The following MIS18BP1 variants were observed in gnomAD, a reference collection of about 807,000 sequenced individuals.
MIS18BP1 encodes mis18-binding protein 1.
MIS18BP1 carries 72 observed loss-of-function variants against 116.1 expected under a neutral mutation model. That is an observed-to-expected ratio of 0.62 (90% CI 0.51 to 0.75). The LOEUF (loss-of-function observed/expected upper bound fraction) is 0.75, where lower values mean the gene tolerates loss of function less well. MIS18BP1 is among the 30% of genes least tolerant of loss of function. The pLI is 0.00. For synonymous variants in MIS18BP1, 386 were observed against 427.0 expected, an observed-to-expected ratio of 0.90 and a Z score of 1.18; for missense variants, 1,363 against 1,303.2, an observed-to-expected ratio of 1.05 and a Z score of -0.71.
intron 1 of MIS18BP1, 100 bp from the exon 2 acceptor site, chr14:45,247,477 C>G: frequency 2.1e-6 from 1 of 471,948 alleles, no homozygotes; most frequent in East Asian, 3.4e-5. Context: ...AAATGTTTAA[C>G]TGGTTCATAA....
intron 6 of MIS18BP1, among the ~76,000 whole-genome samples, 172 bp downstream of exon 6, chr14:45,235,639 TAAG>T (rs1368615923): frequency 6.8e-6 from 1 of 146,828 alleles, no homozygotes; most frequent in Non-Finnish European, 1.5e-5. Flanking sequence ...AAATTGTCAA[TAAG>T]AGTGATAAAA....
chr14:45,210,620 C>G (rs549436775), intron 13 of MIS18BP1, 92 bp from the exon 14 acceptor site: 38 of 1,443,470 alleles, frequency 2.6e-5, no homozygotes, highest in South Asian at 1.4e-4. Flanking sequence ...TAAGTTGGTT[C>G]TTCTTGTAAC....
At chr14:45,204,343 A>G in intron 16 of MIS18BP1, 56 bp downstream of exon 16, 2 of 1,557,422 alleles carry the variant, frequency 1.3e-6, no homozygotes, top group East Asian at 4.5e-5. Flanking sequence ...CCATTTAAAT[A>G]AAGAACCTAC....
chr14:45,224,062 G>C lies in MIS18BP1; in HGVS notation c.2525C>G (p.Thr842Ser). 1.9e-6 allele frequency: 3 copies of C among 1,613,774 alleles called. No individual in the cohort carries two copies. The highest frequency in any genetic ancestry group is 1.1e-5 in the South Asian group (1 of 91,002). The change falls in exon 11 of 17, where the codon ACT (threonine) becomes AGT (serine). Residue 842 changes from threonine to serine, a missense_variant. Physicochemically the swap from Thr to Ser is moderately conservative, Grantham distance 58. Coordinates refer to ENST00000310806, the MANE Select transcript of MIS18BP1 (RefSeq NM_018353.5). ...TTTCCTAACACCAGACTTCTGAAGA[G>C]TTTCTTTGACGGAAGGTCTAGCTTT... ...QKKARPSVKE[T>S]LQKSGVRKEF... is the part of the protein sequence containing the mutation.
At chr14:45,210,153 T>A (rs1329840471) in intron 14 of MIS18BP1, 3 of 382,346 alleles carry the variant, frequency 7.8e-6, no homozygotes, top group Admixed American at 4.5e-5. Context: ...CCTTGATCCA[T>A]TTCGAATTGA....
In MIS18BP1 at chr14:45,224,066, C is replaced by T; in HGVS notation, c.2521G>A (p.Glu841Lys). 1 of 1,613,802 alleles carries T rather than the reference C, an allele frequency of 6.2e-7. No homozygotes were observed. Among genetic ancestry groups the T allele is most frequent in the Non-Finnish European group, 8.5e-7 (1 of 1,179,962 alleles). The change falls in exon 11 of 17, where the codon GAA becomes AAA. Residue 841 changes from glutamate to lysine, a missense_variant. Glu to Lys is a moderately conservative substitution (Grantham distance 56, BLOSUM62 1). Transcript: ENST00000310806. ...KQKKARPSVK[E>K]TLQKSGVRKE... Reference sequence around the variant, plus strand: ...CTAACACCAGACTTCTGAAGAGTTTCTTTGACGGAAGGTCTAGCTTTCTTT... The same window carrying T: ...CTAACACCAGACTTCTGAAGAGTTTTTTTGACGGAAGGTCTAGCTTTCTTT...
intron 5 of MIS18BP1, among the ~76,000 whole-genome samples, chr14:45,237,002 A>G (rs960791570): frequency 6.6e-6 from 1 of 150,802 alleles, no homozygotes. Flanking sequence ...AGTACCTTAA[A>G]CAGTTATAAC....
In MIS18BP1 at chr14:45,217,147, T is replaced by G; in HGVS notation, c.2875A>C (p.Ile959Leu). 6.2e-7 allele frequency: 1 copy of G among 1,614,166 alleles called. No individual in the cohort carries two copies. Reference protein sequence around the residue: ...KRGDADQKQTIKITAKVGTLK... With the variant: ...KRGDADQKQTLKITAKVGTLK... ...GTTCCCACTTTGGCAGTTATCTTAA[T>G]AGTTTGTTTCTGATCAGCATCACCT... The change falls in exon 13 of 17, where the codon ATT becomes CTT. Residue 959 changes from isoleucine (I) to leucine (L), a missense_variant. Physicochemically the swap from Ile to Leu is conservative, Grantham distance 5 (BLOSUM62 2). Coordinates refer to ENST00000310806, the MANE Select transcript of MIS18BP1 (RefSeq NM_018353.5).
chr14:45,226,973 C>A, intron 9 of MIS18BP1, 137 bp from the exon 10 acceptor site: 2 of 622,072 alleles, frequency 3.2e-6, no homozygotes, highest in Non-Finnish European at 4.6e-6. Flanking sequence ...TGGACACATT[C>A]CGAAACTTAC....
Position 45,242,793 on chromosome 14 carries a change from T to G in MIS18BP1, c.626A>C (p.Glu209Ala), listed in dbSNP as rs1368070498. 1.2e-6 allele frequency: 2 copies of G among 1,613,274 alleles called. No individual in the cohort carries two copies. The change falls in exon 3 of 17, where the codon GAA becomes GCA. Residue 209 changes from glutamate to alanine, a missense_variant. Physicochemically the swap from Glu to Ala is moderately radical, Grantham distance 107 (BLOSUM62 -1). Transcript: ENST00000310806. ...PVKQKIQCQQ[E>A]KKAPLHNLTY... ...TAAATTGTGCAGTGGTGCTTTCTTT[T>G]CCTGCTGGCACTGAATCTTTTGTTT...
At chr14:45,236,129 CA>C (rs1891423555) in intron 5 of MIS18BP1, among the ~76,000 whole-genome samples, 185 bp from the exon 6 acceptor site, 1 of 152,010 alleles carries the variant, frequency 6.6e-6, no homozygotes, top group Admixed American at 6.6e-5. Context: ...GATTATGTAC[CA>C]AAAAAACTAT....
At position 45,204,145 on chromosome 14, in the gene MIS18BP1, CTCT is replaced by C. The variant is rs1209376895; in HGVS notation, c.3360_3362del (p.Glu1121del). On this transcript the variant is annotated inframe_deletion, in exon 17 of 17. Coordinates refer to ENST00000310806, the MANE Select transcript of MIS18BP1 (RefSeq NM_018353.5). ...CAGAGTTCGAAAAATAATAATCTTT[CTCT>C]TCTTCATCTAAAGATTCCACAGCAT... The C allele has an allele frequency of 5.0e-6, 8 of 1,611,150 alleles. No individual in the cohort carries two copies. In the South Asian group the frequency reaches 6.6e-5, roughly 13 times the overall value.
chr14:45,237,554 G>C, intron 5 of MIS18BP1, 94 bp downstream of exon 5: 1 of 1,429,146 alleles, frequency 7.0e-7, no homozygotes, highest in Admixed American at 2.7e-5. Flanking sequence ...TTAGGTCTTT[G>C]CTTTGTGGAG....
chr14:45,205,996 G>T, intron 15 of MIS18BP1, 87 bp downstream of exon 15: 1 of 800,704 alleles, frequency 1.2e-6, no homozygotes, highest in Non-Finnish European at 2.1e-6. Flanking sequence ...TCAGGGACAG[G>T]GACTGTTACA....
chr14:45,227,642 C>T (rs1891159726), intron 9 of MIS18BP1, 21 bp downstream of exon 9: 1 of 1,597,938 alleles, frequency 6.3e-7, no homozygotes. Flanking sequence ...TTGAACTATA[C>T]AGTGTACAAT....
At chr14:45,233,390 A>G (rs1464140808) in intron 6 of MIS18BP1, among the ~76,000 whole-genome samples, 1 of 152,118 alleles carries the variant, frequency 6.6e-6, no homozygotes, top group Non-Finnish European at 1.5e-5. Context: ...CCTTAGAGTC[A>G]TTTTATAGAA....
At chr14:45,218,706 C>G (rs1890891393) in intron 11 of MIS18BP1, among the ~76,000 whole-genome samples, 1 of 151,120 alleles carries the variant, frequency 6.6e-6, no homozygotes, top group African/African-American at 2.4e-5. Flanking sequence ...TTTTATTAAG[C>G]CTGAAAAATG....
intron 1 of MIS18BP1, among the ~76,000 whole-genome samples, chr14:45,249,766 G>A (rs1488217706): frequency 6.6e-6 from 1 of 152,146 alleles, no homozygotes; most frequent in Non-Finnish European, 1.5e-5. Context: ...AGCTACTCAG[G>A]AGGCTGAGGC....
At chr14:45,246,053 C>T (rs1039993518) in intron 2 of MIS18BP1, among the ~76,000 whole-genome samples, 18 of 152,190 alleles carry the variant, frequency 1.2e-4, no homozygotes, top group African/African-American at 3.4e-4. Context: ...ATCTGGCTTA[C>T]TGCAGTAACT....
Sources: gnomAD v4.1 joint callset for allele counts (sites outside exome capture counted in the v4.1 genomes callset) on GRCh38, gnomAD v4.1.1 for gene constraint, MANE v1.5 for transcripts, NCBI Gene and HGNC (gene_info 2026-07-23, HGNC 2026-07-21) for gene names.